PAQR8: variants seen among roughly 807,000 people sequenced by gnomAD.
PAQR8 encodes the protein membrane progestin receptor beta.
Under a neutral mutation model 25.2 loss-of-function variants are expected in PAQR8, and 17 were observed. The observed-to-expected ratio is 0.67, with a 90% CI of 0.46 to 1.01. The LOEUF is 1.01. Among genes scored for constraint, PAQR8 ranks in the 50% least tolerant of loss-of-function variants. PAQR8 has a pLI of 0.00. For synonymous variants in PAQR8, 204 were observed against 190.6 expected (o/e 1.07, Z -0.58); for missense variants, 392 against 448.4 (o/e 0.87, Z 1.14).
chr6:52,396,058 A>G (rs941666593), intron 1 of PAQR8, among the ~76,000 whole-genome samples: 2 of 152,234 alleles, frequency 1.3e-5, no homozygotes, highest in African/African-American at 2.4e-5. Flanking sequence ...GGTGTCTTCT[A>G]TATGCCAGAT....
intron 1 of PAQR8, among the ~76,000 whole-genome samples, chr6:52,400,332 T>C (rs375456832): frequency 6.6e-6 from 1 of 152,248 alleles, no homozygotes; most frequent in African/African-American, 2.4e-5. Context: ...GTCATAATAA[T>C]GGCAAGTAGT....
intron 1 of PAQR8, among the ~76,000 whole-genome samples, chr6:52,383,755 C>T (rs1002867011): frequency 2.6e-5 from 4 of 151,890 alleles, no homozygotes; most frequent in Middle Eastern, 3.4e-3. Context: ...TTTTATTCTG[C>T]ATGATATCAA....
At chr6:52,366,286 TTC>T in intron 1 of PAQR8, among the ~76,000 whole-genome samples, 1 of 152,240 alleles carries the variant, frequency 6.6e-6, no homozygotes, top group East Asian at 1.9e-4. Flanking sequence ...TTAGTGAGAA[TTC>T]TCTGTTCTAG....
intron 1 of PAQR8, among the ~76,000 whole-genome samples, chr6:52,402,133 G>A (rs756308426): frequency 1.6e-4 from 25 of 152,308 alleles, no homozygotes; most frequent in Middle Eastern, 3.4e-3. Flanking sequence ...GGAGGATGAG[G>A]TGGGAAGATC....
chr6:52,385,618 G>A (rs1212934963), intron 1 of PAQR8, among the ~76,000 whole-genome samples: 4 of 152,182 alleles, frequency 2.6e-5, no homozygotes, highest in Non-Finnish European at 5.9e-5. Flanking sequence ...GCACCATGGC[G>A]TATGTCTGGA....
At chr6:52,392,203 G>T (rs368871032) in intron 1 of PAQR8, among the ~76,000 whole-genome samples, 1 of 152,114 alleles carries the variant, frequency 6.6e-6, no homozygotes, top group Non-Finnish European at 1.5e-5. Flanking sequence ...AACTAGCTGG[G>T]TGTGGCAGTG....
chr6:52,403,190 A>T lies in PAQR8; in HGVS notation c.-24A>T, dbSNP rs200500298. 5.0e-5 allele frequency: 79 copies of T among 1,578,980 alleles called. No homozygotes were observed. In the East Asian group the frequency reaches 1.8e-3, roughly 36 times the overall value. ...GCATACCCTGTCCTGAGGGCGCGGC[A>T]CGGAGTGCATGCGGGCCGCTGCCAT... On this transcript the variant is annotated 5_prime_UTR_variant, in exon 2 of 2. Transcript: ENST00000442253.
At chr6:52,375,078 G>T (rs996954424) in intron 1 of PAQR8, among the ~76,000 whole-genome samples, 3 of 151,884 alleles carry the variant, frequency 2.0e-5, no homozygotes, top group Admixed American at 1.3e-4. Flanking sequence ...TTTTAAAAAC[G>T]TTTAGTGGGA....
intron 1 of PAQR8, among the ~76,000 whole-genome samples, chr6:52,381,848 C>T (rs1396464045): frequency 6.6e-6 from 1 of 152,100 alleles, no homozygotes; most frequent in South Asian, 2.1e-4. Context: ...TCAGGGTATA[C>T]CCTAAACATT....
intron 1 of PAQR8, among the ~76,000 whole-genome samples, chr6:52,398,048 T>C (rs1763786620): frequency 6.6e-6 from 1 of 152,110 alleles, no homozygotes; most frequent in African/African-American, 2.4e-5. Context: ...AAAAGAATTA[T>C]AACTCATGGT....
In PAQR8 at chr6:52,407,734, A is replaced by C. The variant is rs1255146897; in HGVS notation, c.*3456A>C. The C allele has an allele frequency of 1.3e-5, 2 of 158,454 alleles. No individual in the cohort carries two copies. Among genetic ancestry groups the C allele is most frequent in the Non-Finnish European group, 2.9e-5 (2 of 67,836 alleles). The allele number at this position is 158,454 out of a possible 1,614,324, so 9.8% of individuals were successfully genotyped here. A position where few individuals can be genotyped will look rare whatever the true frequency, so the allele number is the denominator to read the frequency against. On this transcript the variant is annotated 3_prime_UTR_variant, in exon 2 of 2. Coordinates refer to ENST00000442253, the MANE Select transcript of PAQR8 (RefSeq NM_133367.5). ...AATGGAGCTATTTTCTGTCTATATAAATCTACTTATATGAATAACCATTAA... is the reference window on the plus strand; with the variant it reads ...AATGGAGCTATTTTCTGTCTATATACATCTACTTATATGAATAACCATTAA...
rs920894883 is a variant in PAQR8, at chr6:52,385,774, A to G, written c.-52-17388A>G. On this transcript the variant is annotated intron_variant, in intron 1 of 1. Transcript: ENST00000442253. Reference sequence around the variant, plus strand: ...CTGGTGTGCGCAGGTAGTCCCAGCTACTTGAGAGGCTGAAGTGGGAGGATC... The same window carrying G: ...CTGGTGTGCGCAGGTAGTCCCAGCTGCTTGAGAGGCTGAAGTGGGAGGATC... 2.4e-4 allele frequency among the ~76,000 whole-genome samples: 37 copies of G among 152,232 alleles called. 1 individual carries two copies. Among genetic ancestry groups the G allele is most frequent in the African/African-American group, 8.7e-4 (36 of 41,524 alleles).
intron 1 of PAQR8, among the ~76,000 whole-genome samples, chr6:52,391,794 G>A (rs1763712382): frequency 6.6e-6 from 1 of 152,124 alleles, no homozygotes; most frequent in Admixed American, 6.6e-5. Context: ...TGTGAATTCT[G>A]GAAGCATTTC....
At position 52,403,447 on chromosome 6, in the gene PAQR8, C is replaced by T. The variant is rs577893682; in HGVS notation, c.234C>T (p.Asn78=). ...TTCAGAAACACAACGAGGTGGTCAA[C>T]GTCTGGACCCATTTACTGGCAGCCC... ...SLFQKHNEVV[N]VWTHLLAALA... The change falls in exon 2 of 2, where the codon AAC becomes AAT. Residue 78 remains asparagine, a synonymous_variant. Coordinates refer to ENST00000442253, the MANE Select transcript of PAQR8 (RefSeq NM_133367.5). 6 of 1,614,234 alleles carry T rather than the reference C, an allele frequency of 3.7e-6. No homozygotes were observed. The highest frequency in any genetic ancestry group is 1.1e-5 in the South Asian group (1 of 91,090).
chr6:52,367,682 T>C (rs1417245191), intron 1 of PAQR8, among the ~76,000 whole-genome samples: 1 of 152,184 alleles, frequency 6.6e-6, no homozygotes, highest in Non-Finnish European at 1.5e-5. Flanking sequence ...CAGCTAAGTG[T>C]ACTCTGCAGA....
In PAQR8 at chr6:52,403,946, G is replaced by T. The variant is rs1763875724; in HGVS notation, c.733G>T (p.Ala245Ser). The change falls in exon 2 of 2, where the codon GCC becomes TCC. Residue 245 changes from alanine to serine, a missense_variant. Transcript: ENST00000442253. ...CCTGGCTGGCTGCCAGGAGCAAGCA[G>T]CCTGGTACCACACCCTCCAGATCCT... Reference protein sequence around the residue: ...CHLAGCQEQAAWYHTLQILFF... With the variant: ...CHLAGCQEQASWYHTLQILFF... 6.2e-7 allele frequency: 1 copy of T among 1,614,100 alleles called. No individual in the cohort carries two copies. Among genetic ancestry groups the T allele is most frequent in the African/African-American group, 1.3e-5 (1 of 74,932 alleles).
rs188426489 is a variant in PAQR8 at position 52,388,331 on chromosome 6, G to A, written c.-52-14831G>A. Among the ~76,000 whole-genome samples, 4 of 151,782 alleles carry A rather than the reference G, an allele frequency of 2.6e-5. No individual in the cohort carries two copies. The East Asian group carries it at 7.7e-4, about 29-fold the overall frequency. On this transcript the variant is annotated intron_variant, in intron 1 of 1. Coordinates refer to ENST00000442253, the MANE Select transcript of PAQR8 (RefSeq NM_133367.5). The stretch of plus-strand genomic sequence containing the variant: ...GTGGAGGTTGCAGTGAGCTGAGTTG[G>A]CATCACTGCACTCCAGCCTGGGCAA...
intron 1 of PAQR8, among the ~76,000 whole-genome samples, chr6:52,390,595 T>G (rs1010438813): frequency 6.6e-6 from 1 of 152,200 alleles, no homozygotes; most frequent in African/African-American, 2.4e-5. Context: ...GTGACTCACG[T>G]ATTAATGCCG....
intron 1 of PAQR8, among the ~76,000 whole-genome samples, chr6:52,385,836 T>G (rs1763627063): frequency 6.6e-6 from 1 of 152,140 alleles, no homozygotes; most frequent in South Asian, 2.1e-4. Context: ...CAGTGAGCCA[T>G]GATCACACCA....
Sources: gnomAD v4.1 joint callset for allele counts (sites outside exome capture counted in the v4.1 genomes callset) on GRCh38, gnomAD v4.1.1 for gene constraint, MANE v1.5 for transcripts, NCBI Gene and HGNC (gene_info 2026-07-23, HGNC 2026-07-21) for gene names.